ENPP3: variants seen among roughly 807,000 people sequenced by gnomAD.
The protein encoded by ENPP3 is ectonucleotide pyrophosphatase/phosphodiesterase family member 3.
ENPP3 carries 104 observed loss-of-function variants against 117.8 expected under a neutral mutation model. That is an observed-to-expected ratio of 0.88 (90% CI 0.75 to 1.04). ENPP3 has a LOEUF of 1.04. ENPP3 is among the 50% of genes least tolerant of loss of function. The probability of loss-of-function intolerance (pLI) is 0.00; values close to 1 mark genes in which losing one functional copy is unlikely to be tolerated. For synonymous variants in ENPP3, 380 were observed against 349.9 expected, an observed-to-expected ratio of 1.09 and a Z score of -0.96; for missense variants, 1,026 against 1,051.9, an observed-to-expected ratio of 0.98 and a Z score of 0.34.
rs538874556 is a variant in ENPP3, at chr6:131,657,604, A to G, written c.465-719A>G. ...TCTCAAACATAATGTCGAGTAAAAGAATTGAGACTCAACAAAATGCACACT... is the reference window on the plus strand; with the variant it reads ...TCTCAAACATAATGTCGAGTAAAAGGATTGAGACTCAACAAAATGCACACT... On this transcript the variant is annotated intron_variant, in intron 5 of 24. Coordinates refer to ENST00000357639, the MANE Select transcript of ENPP3 (RefSeq NM_005021.5). Among the ~76,000 whole-genome samples, 3 of 152,330 alleles carry G rather than the reference A, an allele frequency of 2.0e-5. No homozygotes were observed. In the East Asian group the frequency reaches 5.8e-4, roughly 29 times the overall value.
At chr6:131,740,183 G>C (rs752195378) in intron 23 of ENPP3, 41 bp from the exon 24 acceptor site, 14 of 1,476,284 alleles carry the variant, frequency 9.5e-6, no homozygotes, top group East Asian at 4.9e-5. Flanking sequence ...AGAAACAAAA[G>C]TATAATAACA....
intron 6 of ENPP3, 143 bp downstream of exon 6, chr6:131,658,563 A>G: frequency 1.8e-6 from 1 of 564,512 alleles, no homozygotes; most frequent in Non-Finnish European, 3.1e-6. Flanking sequence ...CATGGTTTCT[A>G]CTTTCATTCG....
At chr6:131,675,588 G>A (rs897065696) in intron 9 of ENPP3, among the ~76,000 whole-genome samples, 7 of 152,140 alleles carry the variant, frequency 4.6e-5, no homozygotes, top group Non-Finnish European at 1.5e-5. Flanking sequence ...AGCAGTTTGG[G>A]AGGCTGAGAT....
chr6:131,667,125 C>T (rs76193249), intron 6 of ENPP3, among the ~76,000 whole-genome samples: 20,451 of 151,984 alleles, frequency 0.13, 1,826 homozygotes, highest in Non-Finnish European at 0.2. Context: ...TTGTTTTGGT[C>T]GTGGGGCTTT....
intron 11 of ENPP3, among the ~76,000 whole-genome samples, chr6:131,680,269 G>A (rs1403208826): frequency 2.0e-5 from 3 of 152,176 alleles, no homozygotes; most frequent in African/African-American, 7.2e-5. Context: ...ATGACTTAAT[G>A]TGAGTTGGGT....
intron 5 of ENPP3, among the ~76,000 whole-genome samples, chr6:131,657,949 G>A (rs1484523244): frequency 6.6e-6 from 1 of 152,008 alleles, no homozygotes. Flanking sequence ...GATCACTTGA[G>A]GTCAGGAGTG....
chr6:131,736,497 C>T (rs907379768), intron 21 of ENPP3, among the ~76,000 whole-genome samples: 2 of 152,042 alleles, frequency 1.3e-5, no homozygotes, highest in South Asian at 4.1e-4. Context: ...ATCACGTGAA[C>T]GGCATGGGAA....
chr6:131,722,113 G>T, intron 17 of ENPP3, 114 bp from the exon 18 acceptor site: 1 of 714,770 alleles, frequency 1.4e-6, no homozygotes, highest in Middle Eastern at 3.0e-4. Flanking sequence ...CTTCGTTACA[G>T]CAGAATTTAT....
chr6:131,681,614 A>C (rs983379954), intron 11 of ENPP3, among the ~76,000 whole-genome samples: 2 of 152,176 alleles, frequency 1.3e-5, no homozygotes, highest in African/African-American at 4.8e-5. Context: ...ACACAAAGGC[A>C]GTGAGTATAA....
At chr6:131,681,429 C>T (rs1338261299) in intron 11 of ENPP3, among the ~76,000 whole-genome samples, 1 of 151,754 alleles carries the variant, frequency 6.6e-6, no homozygotes, top group Non-Finnish European at 1.5e-5. Context: ...AAAGAAGAGG[C>T]AATCATTGTT....
Position 131,677,907 on chromosome 6 carries a change from C to T in ENPP3, c.978C>T (p.Ser326=), listed in dbSNP as rs1407445202. The change falls in exon 11 of 25, where the codon TCC becomes TCT. Residue 326 remains serine, a synonymous_variant. Transcript: ENST00000357639. ...CCATGTATTTTGAAGAACCTGATTC[C>T]TCTGGACATGCAGGTGGACCAGTCA... is the stretch of plus-strand genomic sequence containing the variant. ...FYTMYFEEPD[S]SGHAGGPVSA... The T allele has an allele frequency of 3.1e-6, 5 of 1,611,620 alleles. No homozygotes were observed. The highest frequency in any genetic ancestry group is 4.2e-6 in the Non-Finnish European group (5 of 1,178,100).
intron 2 of ENPP3, among the ~76,000 whole-genome samples, chr6:131,647,652 T>G (rs1778178892): frequency 1.3e-5 from 2 of 152,190 alleles, no homozygotes; most frequent in Admixed American, 6.5e-5. Context: ...TACATATTAT[T>G]TTGAAGCAAA....
chr6:131,718,836 G>T (rs1779953598), intron 16 of ENPP3, 98 bp downstream of exon 16: 1 of 666,998 alleles, frequency 1.5e-6, no homozygotes. Context: ...TGTCATGGGG[G>T]TTTGTCATAC....
In ENPP3 at chr6:131,658,367, G is replaced by A; in HGVS notation, c.509G>A (p.Arg170Lys). 6.2e-7 allele frequency: 1 copy of A among 1,610,168 alleles called. No individual in the cohort carries two copies. The highest frequency in any genetic ancestry group is 8.5e-7 in the Non-Finnish European group (1 of 1,176,628). Residue 170 changes from arginine to lysine, a missense_variant, in exon 6 of 25, where the codon AGA becomes AAA. Transcript: ENST00000357639. ...ATCTTGTTTTCTATGGATGGATTTA[G>A]AGCTGAATATTTATACACATGGGAT... ...PVILFSMDGF[R>K]AEYLYTWDTL...
intron 15 of ENPP3, chr6:131,709,752 CT>C: frequency 6.2e-7 from 1 of 1,613,980 alleles, no homozygotes; most frequent in Non-Finnish European, 8.5e-7. Context: ...CATGGCTGAT[CT>C]TTTCTTCCAC....
chr6:131,671,895 A>G (rs1379494367), intron 7 of ENPP3, among the ~76,000 whole-genome samples: 2 of 152,236 alleles, frequency 1.3e-5, no homozygotes, highest in Admixed American at 6.5e-5. Context: ...TATTTAAGAT[A>G]GATAGATTTA....
At position 131,660,690 on chromosome 6, in the gene ENPP3, G is replaced by A. The variant is rs568315837; in HGVS notation, c.562+2270G>A. Among the ~76,000 whole-genome samples, 4 of 152,234 alleles carry A rather than the reference G, an allele frequency of 2.6e-5. No individual in the cohort carries two copies. In the South Asian group the frequency reaches 8.3e-4, roughly 32 times the overall value. On this transcript the variant is annotated intron_variant, in intron 6 of 24. Coordinates refer to ENST00000357639, the MANE Select transcript of ENPP3 (RefSeq NM_005021.5). ...CATGAACAGCAGAGCTCTTATACTG[G>A]CCATAGCAGATGTCATTTGCTGTCT... is the stretch of plus-strand genomic sequence containing the variant.
chr6:131,671,440 G>T (rs981291470), intron 7 of ENPP3, 113 bp downstream of exon 7: 12 of 696,462 alleles, frequency 1.7e-5, no homozygotes, highest in Admixed American at 2.4e-5. Flanking sequence ...TGAAGCACAT[G>T]GGGGGATAGT....
rs1233517840 is a variant in ENPP3, at chr6:131,740,347, C to T, written c.2424C>T (p.Ile808=). Residue 808 remains isoleucine (I), a synonymous_variant, in exon 24 of 25, where the codon ATC becomes ATT. Transcript: ENST00000357639. The part of the protein sequence containing the change: ...PGWLDVLPFI[I]PHRPTNVESC... ...GGCTGGATGTCCTACCCTTTATCAT[C>T]CCTCACCGACCTACCAACGTGGAGA... The T allele has an allele frequency of 2.5e-6, 4 of 1,611,026 alleles. No individual in the cohort carries two copies. Among genetic ancestry groups the T allele is most frequent in the South Asian group, 1.1e-5 (1 of 90,470 alleles).
Sources: gnomAD v4.1 joint callset for allele counts (sites outside exome capture counted in the v4.1 genomes callset) on GRCh38, gnomAD v4.1.1 for gene constraint, MANE v1.5 for transcripts, NCBI Gene and HGNC (gene_info 2026-07-23, HGNC 2026-07-21) for gene names.